FHIT: variants seen among roughly 807,000 people sequenced by gnomAD.
FHIT encodes bis(5'-adenosyl)-triphosphatase.
A neutral mutation model predicts 17.9 loss-of-function variants in FHIT; 19 were observed. The ratio of observed to expected loss-of-function variants is 1.06; its 90% CI spans 0.74 to 1.56. The LOEUF (loss-of-function observed/expected upper bound fraction) is 1.56, where lower values mean the gene tolerates loss of function less well. FHIT is among the 40% of genes most tolerant of loss of function. The probability of loss-of-function intolerance (pLI) is 0.00; values close to 1 mark genes in which losing one functional copy is unlikely to be tolerated. For missense variants in FHIT, 248 were observed against 189.2 expected (o/e 1.31, Z -1.82); for synonymous variants, 81 against 69.7 (o/e 1.16, Z -0.81).
intron 2 of FHIT, among the ~76,000 whole-genome samples, chr3:61,108,703 G>A (rs528159183): frequency 6.6e-6 from 1 of 152,186 alleles, no homozygotes; most frequent in Non-Finnish European, 1.5e-5. Context: ...AGTAAAAAAG[G>A]AAAATATTTC....
At chr3:60,206,892 T>C (rs915117611) in intron 5 of FHIT, among the ~76,000 whole-genome samples, 2 of 152,170 alleles carry the variant, frequency 1.3e-5, no homozygotes, top group African/African-American at 4.8e-5. Context: ...ACTATTCTAG[T>C]TTAATTTCAC....
intron 5 of FHIT, among the ~76,000 whole-genome samples, chr3:60,128,807 T>C (rs1240736042): frequency 6.6e-6 from 1 of 152,202 alleles, no homozygotes; most frequent in Non-Finnish European, 1.5e-5. Context: ...GGTGAACAGA[T>C]AAGGCTGTGA....
chr3:60,928,696 A>G (rs1368887051), intron 3 of FHIT, among the ~76,000 whole-genome samples: 5 of 152,160 alleles, frequency 3.3e-5, no homozygotes, highest in African/African-American at 4.8e-5. Context: ...TAGACCAATA[A>G]CAGGCTCTGA....
In FHIT at chr3:60,388,864, G is replaced by C. The variant is rs560400299; in HGVS notation, c.103+147996C>G. On this transcript the variant is annotated intron_variant, in intron 5 of 9. Coordinates refer to ENST00000492590, the MANE Select transcript of FHIT (RefSeq NM_002012.4). ...TCATCTGTATCTAACAGACAAGGAG[G>C]CTGTGGTACAGAGGGCTCGTAAAGT... Among the ~76,000 whole-genome samples, 10 of 152,204 alleles carry C rather than the reference G, an allele frequency of 6.6e-5. No homozygotes were observed. The East Asian group carries it at 1.9e-3, about 30-fold the overall frequency.
intron 1 of FHIT, among the ~76,000 whole-genome samples, chr3:61,212,774 G>A (rs1176469248): frequency 1.3e-5 from 2 of 152,226 alleles, no homozygotes; most frequent in Non-Finnish European, 2.9e-5. Context: ...TACCCACAAA[G>A]GGAAGCCTAT....
intron 4 of FHIT, among the ~76,000 whole-genome samples, chr3:60,626,463 T>C (rs2039289197): frequency 6.6e-6 from 1 of 152,240 alleles, no homozygotes; most frequent in Admixed American, 6.5e-5. Flanking sequence ...TTTATTCTTT[T>C]TGATGCCCTC....
chr3:61,065,559 T>C (rs931075400), intron 2 of FHIT, among the ~76,000 whole-genome samples: 3 of 152,140 alleles, frequency 2.0e-5, no homozygotes, highest in African/African-American at 7.2e-5. Context: ...GGACTCTCAG[T>C]CTACTGCGCT....
intron 4 of FHIT, among the ~76,000 whole-genome samples, chr3:60,736,666 G>T (rs1025865517): frequency 5.3e-5 from 8 of 152,180 alleles, no homozygotes; most frequent in African/African-American, 1.9e-4. Context: ...ACTGTTAATG[G>T]CTAGGGGTTT....
At chr3:61,047,634 TA>T (rs2107709385) in intron 2 of FHIT, among the ~76,000 whole-genome samples, 1 of 152,262 alleles carries the variant, frequency 6.6e-6, no homozygotes, top group Non-Finnish European at 1.5e-5. Flanking sequence ...AAAACTACTT[TA>T]AAGTTCATAT....
intron 4 of FHIT, chr3:60,732,016 T>C: frequency 4.9e-6 from 2 of 409,808 alleles, no homozygotes; most frequent in Non-Finnish European, 4.6e-6. Flanking sequence ...AAGGAAAACA[T>C]GGAACCCAAA....
chr3:61,123,236 C>A (rs1376859186), intron 2 of FHIT, among the ~76,000 whole-genome samples: 3 of 152,116 alleles, frequency 2.0e-5, no homozygotes, highest in African/African-American at 7.2e-5. Flanking sequence ...TCATTCTCAG[C>A]AAACTAACAC....
rs192067215 is a variant in FHIT at position 60,934,784 on chromosome 3, G to C, written c.-111+107263C>G. On this transcript the variant is annotated intron_variant, in intron 3 of 9. Coordinates refer to ENST00000492590, the MANE Select transcript of FHIT (RefSeq NM_002012.4). ...CCTCCAGCTTTGAGGCAATGTTGAA[G>C]TGGGAAAGGGGAAAGAATAGTCAAG... is the stretch of plus-strand genomic sequence containing the variant. Among the ~76,000 whole-genome samples the C allele has an allele frequency of 5.9e-5, 9 of 152,270 alleles. No homozygotes were observed. The East Asian group carries it at 1.5e-3, about 26-fold the overall frequency.
chr3:60,787,426 C>A (rs1384863819), intron 4 of FHIT, among the ~76,000 whole-genome samples: 1 of 152,146 alleles, frequency 6.6e-6, no homozygotes, highest in Non-Finnish European at 1.5e-5. Context: ...GTGTCTGATA[C>A]CCTTCCACTA....
At chr3:60,300,349 A>G (rs760349615) in intron 5 of FHIT, among the ~76,000 whole-genome samples, 3 of 152,124 alleles carry the variant, frequency 2.0e-5, no homozygotes, top group Non-Finnish European at 4.4e-5. Flanking sequence ...TAACTGAGGG[A>G]TAGTAAGAGA....
chr3:59,901,374 G>C (rs746534780), intron 8 of FHIT, among the ~76,000 whole-genome samples: 1 of 152,118 alleles, frequency 6.6e-6, no homozygotes, highest in Non-Finnish European at 1.5e-5. Context: ...TCTCGGGAGA[G>C]GTATCATGAG....
At chr3:60,376,452 T>G (rs1435981287) in intron 5 of FHIT, among the ~76,000 whole-genome samples, 1 of 152,212 alleles carries the variant, frequency 6.6e-6, no homozygotes, top group Non-Finnish European at 1.5e-5. Context: ...TGGTAAAATG[T>G]GGTTGCCACA....
chr3:60,202,220 GACC>G (rs1475695236), intron 5 of FHIT, among the ~76,000 whole-genome samples: 1 of 152,118 alleles, frequency 6.6e-6, no homozygotes, highest in Non-Finnish European at 1.5e-5. Context: ...CACTTTTCTG[GACC>G]ACATTTACTT....
intron 5 of FHIT, among the ~76,000 whole-genome samples, chr3:60,394,168 A>G (rs1488778977): frequency 6.6e-6 from 1 of 152,074 alleles, no homozygotes; most frequent in African/African-American, 2.4e-5. Flanking sequence ...AGGTGTAGGA[A>G]TGGGAATAGC....
At chr3:60,857,023 T>C (rs559382256) in intron 3 of FHIT, among the ~76,000 whole-genome samples, 5 of 152,258 alleles carry the variant, frequency 3.3e-5, no homozygotes, top group South Asian at 2.1e-4. Flanking sequence ...ATAATACTCA[T>C]CACACTTGTG....
Sources: allele counts gnomAD v4.1 joint callset (sites outside exome capture counted in the v4.1 genomes callset), GRCh38; gene constraint gnomAD v4.1.1; transcripts MANE v1.5; gene names NCBI Gene and HGNC (gene_info 2026-07-23, HGNC 2026-07-21).